BBS9: variants seen among roughly 807,000 people sequenced by gnomAD.
BBS9 encodes the protein protein PTHB1.
Under a neutral mutation model 117.7 loss-of-function variants are expected in BBS9, and 89 were observed. The observed-to-expected ratio is 0.76, with a 90% CI of 0.64 to 0.90. The LOEUF (loss-of-function observed/expected upper bound fraction) is 0.90, where lower values mean the gene tolerates loss of function less well. Ranked by LOEUF, BBS9 falls within the 40% of genes least tolerant of loss-of-function variation. The pLI, the probability that BBS9 is intolerant of heterozygous loss-of-function variation, is 0.00. For synonymous variants in BBS9, 379 were observed against 370.9 expected, an observed-to-expected ratio of 1.02 and a Z score of -0.25; for missense variants, 982 against 1,042.2, an observed-to-expected ratio of 0.94 and a Z score of 0.80.
At chr7:33,574,516 T>TA (rs1289263919) in intron 21 of BBS9, among the ~76,000 whole-genome samples, 1 of 152,120 alleles carries the variant, frequency 6.6e-6, no homozygotes, top group African/African-American at 2.4e-5. Flanking sequence ...TGCTGATTGA[T>TA]AAAGTCCTGG....
At chr7:33,410,216 C>T (rs1830864072) in intron 19 of BBS9, among the ~76,000 whole-genome samples, 1 of 152,116 alleles carries the variant, frequency 6.6e-6, no homozygotes, top group South Asian at 2.1e-4. Flanking sequence ...ATGGCTTATT[C>T]TTCAATTTAT....
rs143963391 is a variant in BBS9, at chr7:33,604,936, A to G, written c.2593A>G (p.Thr865Ala). Residue 865 changes from threonine (T) to alanine (A), a missense_variant, in exon 22 of 23, where the codon ACC (threonine) becomes GCC (alanine). Transcript: ENST00000242067. ...SVEQDSTELF[T>A]NHRHLTAETP... ...AGAACAAGACTCTACAGAACTGTTT[A>G]CCAACCACAGACATCTCACTGCAGA... is the stretch of plus-strand genomic sequence containing the variant. The G allele has an allele frequency of 3.1e-4, 500 of 1,613,750 alleles. 1 individual carries two copies. Among genetic ancestry groups the G allele is most frequent in the Middle Eastern group, 9.9e-4 (6 of 6,060 alleles).
At chr7:33,618,179 A>AT (rs940523558) in intron 21 of BBS9, among the ~76,000 whole-genome samples, 19 of 152,016 alleles carry the variant, frequency 1.2e-4, no homozygotes, top group Non-Finnish European at 2.4e-4. Context: ...GTCTCTACAA[A>AT]TTTTTTTGTT....
At chr7:33,478,806 A>G (rs990697488) in intron 19 of BBS9, among the ~76,000 whole-genome samples, 3 of 151,264 alleles carry the variant, frequency 2.0e-5, no homozygotes, top group African/African-American at 4.9e-5. Context: ...TACTCTTGAC[A>G]TGTCTGCAAA....
chr7:33,256,590 A>G (rs1358835533), intron 5 of BBS9, among the ~76,000 whole-genome samples: 3 of 152,036 alleles, frequency 2.0e-5, no homozygotes, highest in Non-Finnish European at 4.4e-5. Context: ...ATCTATTTCT[A>G]TGCAATTTGA....
At chr7:33,189,144 C>T (rs1254725229) in intron 5 of BBS9, among the ~76,000 whole-genome samples, 1 of 152,070 alleles carries the variant, frequency 6.6e-6, no homozygotes, top group Non-Finnish European at 1.5e-5. Context: ...CCTCAGCCTC[C>T]TGAGTAGCTG....
chr7:33,503,705 G>A (rs1845764559), intron 19 of BBS9, among the ~76,000 whole-genome samples: 1 of 151,938 alleles, frequency 6.6e-6, no homozygotes. Flanking sequence ...GTGTCATAAT[G>A]TGATGGCCCC....
chr7:33,573,214 C>T (rs1858131600), intron 21 of BBS9, among the ~76,000 whole-genome samples: 2 of 152,076 alleles, frequency 1.3e-5, no homozygotes, highest in East Asian at 3.9e-4. Flanking sequence ...AGCAATTTCT[C>T]CTGGTTCTTT....
chr7:33,350,650 AAGAACAGCAGTGGTGT>A (rs1315569857), intron 13 of BBS9, among the ~76,000 whole-genome samples: 1 of 152,144 alleles, frequency 6.6e-6, no homozygotes, highest in Non-Finnish European at 1.5e-5. Flanking sequence ...CCTCGAAGTA[AAGAACAGCAGTGGTGT>A]AGAATGCCAG....
chr7:33,487,168 A>C (rs1843226693), intron 19 of BBS9, among the ~76,000 whole-genome samples: 1 of 152,304 alleles, frequency 6.6e-6, no homozygotes, highest in East Asian at 1.9e-4. Context: ...ACTCTTAAAT[A>C]GCATTCTTTG....
intron 5 of BBS9, among the ~76,000 whole-genome samples, chr7:33,210,252 G>A (rs1787760484): frequency 6.6e-6 from 1 of 152,172 alleles, no homozygotes; most frequent in Non-Finnish European, 1.5e-5. Context: ...ATGGTTAGAG[G>A]AGATGCTTGA....
At chr7:33,165,492 A>G (rs1795532262) in intron 4 of BBS9, among the ~76,000 whole-genome samples, 1 of 150,150 alleles carries the variant, frequency 6.7e-6, no homozygotes, top group South Asian at 2.1e-4. Context: ...TGGTCTTTTC[A>G]CATAGTTCCA....
chr7:33,250,824 C>T (rs1193234127), intron 5 of BBS9, among the ~76,000 whole-genome samples: 2 of 152,124 alleles, frequency 1.3e-5, no homozygotes, highest in Non-Finnish European at 2.9e-5. Context: ...CTCCTATGTG[C>T]CAGGCATTTT....
chr7:33,229,275 A>G (rs548958636), intron 5 of BBS9, among the ~76,000 whole-genome samples: 1 of 152,200 alleles, frequency 6.6e-6, no homozygotes, highest in East Asian at 1.9e-4. Context: ...CATGTTTTAC[A>G]TTAGTTCTCT....
intron 19 of BBS9, among the ~76,000 whole-genome samples, chr7:33,487,161 C>T (rs1843225209): frequency 1.3e-5 from 2 of 152,172 alleles, no homozygotes; most frequent in South Asian, 4.1e-4. Flanking sequence ...AATCTTTACT[C>T]TTAAATAGCA....
chr7:33,137,272 G>C (rs1254028590), intron 1 of BBS9, among the ~76,000 whole-genome samples: 1 of 152,190 alleles, frequency 6.6e-6, no homozygotes, highest in Non-Finnish European at 1.5e-5. Flanking sequence ...GTTGGGAGAG[G>C]CCAGGGAGCG....
chr7:33,604,005 C>T (rs1484753868), intron 21 of BBS9, among the ~76,000 whole-genome samples: 1 of 152,120 alleles, frequency 6.6e-6, no homozygotes, highest in East Asian at 1.9e-4. Flanking sequence ...ATGCATAAAA[C>T]CAAACTTGAG....
At chr7:33,193,570 C>A (rs1375634115) in intron 5 of BBS9, among the ~76,000 whole-genome samples, 1 of 152,016 alleles carries the variant, frequency 6.6e-6, no homozygotes, top group Non-Finnish European at 1.5e-5. Context: ...GCCTTCTTTC[C>A]TACCCAATCA....
At chr7:33,346,149 T>C in intron 12 of BBS9, 1 of 384,846 alleles carries the variant, frequency 2.6e-6, no homozygotes. Flanking sequence ...GCAGACACAA[T>C]GTCTTCCTGA....
Sources: allele counts gnomAD v4.1 joint callset (sites outside exome capture counted in the v4.1 genomes callset), GRCh38; gene constraint gnomAD v4.1.1; transcripts MANE v1.5; gene names NCBI Gene and HGNC (gene_info 2026-07-23, HGNC 2026-07-21).